PRH1: variants seen among roughly 807,000 people sequenced by gnomAD.
PRH1 encodes salivary acidic proline-rich phosphoprotein 1/2.
A neutral mutation model predicts 7.9 loss-of-function variants in PRH1; 7 were observed. That is an observed-to-expected ratio of 0.89 (90% confidence interval 0.50 to 1.67). The LOEUF (loss-of-function observed/expected upper bound fraction) is 1.67, where lower values mean the gene tolerates loss of function less well. PRH1 is among the 40% of genes most tolerant of loss of function. The pLI, the probability that PRH1 is intolerant of heterozygous loss-of-function variation, is 0.00. For missense variants in PRH1, 109 were observed against 223.6 expected (o/e 0.49, Z 3.27); for synonymous variants, 45 against 80.8 (o/e 0.56, Z 2.38).
intron 1 of PRH1, among the ~76,000 whole-genome samples, chr12:11,154,736 C>A (rs932498710): frequency 2.0e-5 from 3 of 152,172 alleles, no homozygotes; most frequent in Admixed American, 2.0e-4. Flanking sequence ...TTATCCTGGT[C>A]ATTTGATGAG....
chr12:11,068,618 T>C (rs1943923632), intron 1 of PRH1, among the ~76,000 whole-genome samples: 1 of 152,208 alleles, frequency 6.6e-6, no homozygotes, highest in African/African-American at 2.4e-5. Context: ...ATTATAGAGC[T>C]ATACGTAAAA....
At chr12:10,994,633 T>C (rs940375936) in intron 1 of PRH1, among the ~76,000 whole-genome samples, 1 of 128,996 alleles carries the variant, frequency 7.8e-6, no homozygotes, top group African/African-American at 2.6e-5. Flanking sequence ...ATATCAGACA[T>C]TTGCTCTACT....
At chr12:10,899,334 A>G (rs1949692401) in intron 2 of PRH1, among the ~76,000 whole-genome samples, 1 of 152,042 alleles carries the variant, frequency 6.6e-6, no homozygotes, top group Non-Finnish European at 1.5e-5. Context: ...TCAGAATGCT[A>G]TGGTTTGTAC....
intron 1 of PRH1, among the ~76,000 whole-genome samples, chr12:11,143,059 C>A (rs1428058190): frequency 6.6e-6 from 1 of 152,074 alleles, no homozygotes; most frequent in Non-Finnish European, 1.5e-5. Context: ...ACTAGTATAA[C>A]ACTGTAAATG....
At chr12:10,953,700 T>C (rs1937802577) in intron 2 of PRH1, among the ~76,000 whole-genome samples, 1 of 152,136 alleles carries the variant, frequency 6.6e-6, no homozygotes, top group African/African-American at 2.4e-5. Context: ...CAGGATATAG[T>C]CCATAAAAAT....
intron 1 of PRH1, chr12:10,997,773 A>T: frequency 1.2e-6 from 2 of 1,613,926 alleles, no homozygotes; most frequent in Non-Finnish European, 1.7e-6. Flanking sequence ...CTCTTGACCC[A>T]GGCAATGAAA....
chr12:11,060,088 G>A (rs1319727769), intron 1 of PRH1, among the ~76,000 whole-genome samples: 1 of 152,034 alleles, frequency 6.6e-6, no homozygotes, highest in Non-Finnish European at 1.5e-5. Context: ...TAAATCACAT[G>A]TGGGGATGAT....
intron 1 of PRH1, among the ~76,000 whole-genome samples, chr12:11,015,950 T>C (rs564869367): frequency 5.2e-5 from 7 of 133,722 alleles, no homozygotes; most frequent in Non-Finnish European, 8.3e-5. Context: ...CTTCTAACTA[T>C]GTGCAGCAAG....
chr12:10,915,940 C>T (rs944790945), intron 2 of PRH1, among the ~76,000 whole-genome samples: 1 of 152,140 alleles, frequency 6.6e-6, no homozygotes, highest in African/African-American at 2.4e-5. Context: ...CCTTAGTTGA[C>T]CTTATTAACA....
At chr12:11,054,102 G>A (rs1006359720) in intron 1 of PRH1, among the ~76,000 whole-genome samples, 72 of 152,182 alleles carry the variant, frequency 4.7e-4, no homozygotes, top group African/African-American at 1.6e-3. Flanking sequence ...TTACAACCAT[G>A]AGCCATGGTG....
intron 1 of PRH1, among the ~76,000 whole-genome samples, chr12:11,149,862 T>G: frequency 7.4e-6 from 1 of 135,760 alleles, no homozygotes; most frequent in Admixed American, 7.5e-5. Context: ...CAAAAGAAAC[T>G]ACCATCAGAG....
chr12:10,901,771 A>T (rs2135810683), intron 2 of PRH1, among the ~76,000 whole-genome samples: 1 of 152,282 alleles, frequency 6.6e-6, no homozygotes, highest in African/African-American at 2.4e-5. Flanking sequence ...CCTACCCAGA[A>T]TTCTCTAAAG....
At chr12:10,931,280 G>C (rs1950209140) in intron 2 of PRH1, 1 of 1,140,448 alleles carries the variant, frequency 8.8e-7, no homozygotes, top group Non-Finnish European at 1.2e-6. Context: ...CCAATTTTGA[G>C]AATCACTATC....
intron 2 of PRH1, among the ~76,000 whole-genome samples, chr12:10,931,899 T>G (rs550738879): frequency 6.6e-6 from 1 of 152,342 alleles, no homozygotes; most frequent in East Asian, 1.9e-4. Context: ...CACTGAACAT[T>G]AAGGCTGCTT....
chr12:10,887,813 C>G (rs572565265), upstream of PRH1, among the ~76,000 whole-genome samples: 6 of 152,164 alleles, frequency 3.9e-5, no homozygotes, highest in South Asian at 1.2e-3. Context: ...CTTTGTAATT[C>G]CAGTTTAACC....
At chr12:11,157,428 A>G (rs1295842608) in intron 1 of PRH1, among the ~76,000 whole-genome samples, 2 of 152,220 alleles carry the variant, frequency 1.3e-5, no homozygotes, top group East Asian at 3.9e-4. Flanking sequence ...TCATCAAGAG[A>G]GTATGATATT....
At chr12:10,938,804 A>C in intron 2 of PRH1, 1 of 1,613,438 alleles carries the variant, frequency 6.2e-7, no homozygotes, top group Non-Finnish European at 8.5e-7. Flanking sequence ...CGAAGTCACA[A>C]GAAGCAGCAC....
At chr12:11,162,996 T>G (rs1231053950) in intron 1 of PRH1, among the ~76,000 whole-genome samples, 1 of 152,216 alleles carries the variant, frequency 6.6e-6, no homozygotes, top group Non-Finnish European at 1.5e-5. Flanking sequence ...ACCTAATTAT[T>G]AAATTATTTT....
chr12:11,134,022 A>C (rs765203763), intron 1 of PRH1: 23 of 1,614,118 alleles, frequency 1.4e-5, no homozygotes, highest in Non-Finnish European at 1.9e-5. Context: ...ACACTATAAA[A>C]AGCTGGATTC....
Sources: allele counts gnomAD v4.1 joint callset (sites outside exome capture counted in the v4.1 genomes callset), GRCh38; gene constraint gnomAD v4.1.1; transcripts MANE v1.5; gene names NCBI Gene and HGNC (gene_info 2026-07-23, HGNC 2026-07-21).